The following SH3D19 variants were observed in gnomAD, a reference collection of about 807,000 sequenced individuals.
SH3D19 encodes SH3 domain containing 19, also known as SH3 domain-containing protein 19.
In SH3D19, 58 loss-of-function variants were observed where a neutral mutation model predicts 112.1. The ratio of observed to expected loss-of-function variants is 0.52; its 90% confidence interval spans 0.42 to 0.64. The LOEUF is 0.64. Ranked by LOEUF, SH3D19 falls within the 30% of genes least tolerant of loss-of-function variation. The pLI, the probability that SH3D19 is intolerant of heterozygous loss-of-function variation, is 0.00. For synonymous variants in SH3D19, 391 were observed against 448.5 expected (o/e 0.87, Z 1.62); for missense variants, 1,090 against 1,263.4 (o/e 0.86, Z 2.08).
chr4:151,178,967 C>T (rs915224283), intron 4 of SH3D19, among the ~76,000 whole-genome samples: 2 of 152,170 alleles, frequency 1.3e-5, no homozygotes, highest in Admixed American at 6.6e-5. Flanking sequence ...GTGCCTACCT[C>T]CTCTTTTCCT....
intron 8 of SH3D19, 52 bp from the exon 9 acceptor site, chr4:151,159,404 A>T: frequency 9.2e-7 from 1 of 1,085,636 alleles, no homozygotes; most frequent in Non-Finnish European, 1.4e-6. Context: ...TGGGATTCCA[A>T]AGAATGAAAT....
intron 1 of SH3D19, among the ~76,000 whole-genome samples, chr4:151,294,389 C>T (rs1775558436): frequency 6.6e-6 from 1 of 152,154 alleles, no homozygotes; most frequent in Non-Finnish European, 1.5e-5. Context: ...TTCTCATTAA[C>T]AAGGAGTTGA....
chr4:151,181,992 T>A (rs370250096), intron 3 of SH3D19, among the ~76,000 whole-genome samples: 48 of 152,182 alleles, frequency 3.2e-4, no homozygotes, highest in African/African-American at 1.1e-3. Context: ...AGGGTTTTTT[T>A]TTTTTTATTT....
At position 151,175,084 on chromosome 4, in the gene SH3D19, C is replaced by T. The variant is rs1196094882; in HGVS notation, c.1120G>A (p.Gly374Arg). 2.5e-6 allele frequency: 4 copies of T among 1,614,144 alleles called. No individual in the cohort carries two copies. The highest frequency in any genetic ancestry group is 3.4e-6 in the Non-Finnish European group (4 of 1,180,018). Residue 374 changes from glycine to arginine, a missense_variant, in exon 7 of 20, where the codon GGA becomes AGA. Coordinates refer to ENST00000604030, the MANE Select transcript of SH3D19 (RefSeq NM_001378122.1). Reference sequence around the variant, plus strand: ...TCAGGTTTGGTTACTGGGATGCTTCCCGCTTCTTGCAGGGGAGGGTATGGG... The same window carrying T: ...TCAGGTTTGGTTACTGGGATGCTTCTCGCTTCTTGCAGGGGAGGGTATGGG... ...LTPYPPLQEAGSIPVTKPELP... is the reference protein window; with the variant it reads ...LTPYPPLQEARSIPVTKPELP...
chr4:151,259,004 A>T (rs1772163456), intron 1 of SH3D19, among the ~76,000 whole-genome samples: 1 of 152,076 alleles, frequency 6.6e-6, no homozygotes, highest in African/African-American at 2.4e-5. Context: ...TGCACAGGGC[A>T]TGGGTGAGGA....
rs527715886 is a variant in SH3D19 at position 151,147,771 on chromosome 4, G to T, written c.2082+151C>A. ...AGCCACTGTGCCCAACCAAGACCTA[G>T]AATTTATTATGGCCTACTCATCTAA... On this transcript the variant is annotated intron_variant, in intron 11 of 19. Transcript: ENST00000604030. 1.5e-5 allele frequency: 15 copies of T among 987,700 alleles called. 1 individual carries two copies. In the South Asian group the frequency reaches 2.5e-4, roughly 17 times the overall value. 61.2% of individuals were successfully genotyped at this position (987,700 alleles called of 1,614,324 possible). A position where few individuals can be genotyped will look rare whatever the true frequency, so the allele number is the denominator to read the frequency against.
chr4:151,126,161 C>T (rs146475624), intron 19 of SH3D19, among the ~76,000 whole-genome samples: 11 of 152,196 alleles, frequency 7.2e-5, no homozygotes, highest in East Asian at 3.9e-4. Context: ...TGGCCTCAAG[C>T]GATCCTCCTG....
At chr4:151,240,006 T>C (rs1312587677) in intron 1 of SH3D19, among the ~76,000 whole-genome samples, 1 of 152,202 alleles carries the variant, frequency 6.6e-6, no homozygotes, top group African/African-American at 2.4e-5. Flanking sequence ...TTGTTCACAC[T>C]GTAATCCCAG....
chr4:151,256,998 T>C (rs1026133334), intron 1 of SH3D19, among the ~76,000 whole-genome samples: 2 of 152,182 alleles, frequency 1.3e-5, no homozygotes, highest in African/African-American at 4.8e-5. Flanking sequence ...TGCCTCAGCC[T>C]TGGGTTGAGA....
intron 1 of SH3D19, among the ~76,000 whole-genome samples, chr4:151,256,164 A>G (rs147332786): frequency 8.8e-4 from 134 of 152,306 alleles, no homozygotes; most frequent in Non-Finnish European, 1.6e-3. Context: ...TATGGCCAAT[A>G]TTATTTTTGT....
chr4:151,255,619 C>T (rs866869955), intron 1 of SH3D19, among the ~76,000 whole-genome samples: 5 of 151,762 alleles, frequency 3.3e-5, no homozygotes, highest in African/African-American at 7.3e-5. Flanking sequence ...ACTTCCCAGA[C>T]GGGGTGGCGG....
chr4:151,139,215 G>A (rs1341607979), intron 13 of SH3D19, among the ~76,000 whole-genome samples: 1 of 151,000 alleles, frequency 6.6e-6, no homozygotes, highest in Non-Finnish European at 1.5e-5. Context: ...GTGCAGTGGC[G>A]CGATCTCAGC....
intron 19 of SH3D19, among the ~76,000 whole-genome samples, chr4:151,126,803 A>G (rs2149724115): frequency 6.7e-6 from 1 of 150,102 alleles, no homozygotes; most frequent in African/African-American, 2.4e-5. Context: ...GTCTCAAAAA[A>G]GAAAAAAAAA....
In SH3D19 at chr4:151,127,785, A is replaced by G. The variant is rs755360455; in HGVS notation, c.2930-70T>C. ...TAAAACACAAATCTAACATTTTTTAAAAAAAAACGCTTATCGCTCTAAAAA... is the reference window on the plus strand; with the variant it reads ...TAAAACACAAATCTAACATTTTTTAGAAAAAAACGCTTATCGCTCTAAAAA... On this transcript the variant is annotated intron_variant, in intron 18 of 19. Coordinates refer to ENST00000604030, the MANE Select transcript of SH3D19 (RefSeq NM_001378122.1). The G allele has an allele frequency of 8.5e-6, 7 of 824,674 alleles. No individual in the cohort carries two copies. The South Asian group carries it at 1.7e-4, about 21-fold the overall frequency. The allele number at this position is 824,674 out of a possible 1,614,324, so 51.1% of individuals were successfully genotyped here. A position where few individuals can be genotyped will look rare whatever the true frequency, so the allele number is the denominator to read the frequency against.
At chr4:151,227,957 G>A in intron 1 of SH3D19, 1 of 985,384 alleles carries the variant, frequency 1.0e-6, no homozygotes, top group Non-Finnish European at 1.2e-6. Context: ...TCCCTCCAGG[G>A]CCTGTTCTGA....
chr4:151,237,815 C>T (rs1770245510), intron 1 of SH3D19, among the ~76,000 whole-genome samples: 3 of 152,154 alleles, frequency 2.0e-5, no homozygotes, highest in South Asian at 4.1e-4. Flanking sequence ...CTTTGTCGAA[C>T]AGGGATTTCT....
At chr4:151,215,790 T>C (rs1766965466) in intron 2 of SH3D19, among the ~76,000 whole-genome samples, 1 of 152,068 alleles carries the variant, frequency 6.6e-6, no homozygotes, top group African/African-American at 2.4e-5. Flanking sequence ...AATTGAATTC[T>C]TGGGACCAGG....
intron 9 of SH3D19, among the ~76,000 whole-genome samples, chr4:151,155,710 A>G (rs992563669): frequency 3.9e-5 from 6 of 151,922 alleles, no homozygotes; most frequent in African/African-American, 1.5e-4. Flanking sequence ...ACATGATAAA[A>G]CCCTGTCTCT....
intron 1 of SH3D19, among the ~76,000 whole-genome samples, chr4:151,256,007 AGAGAGGGGGAGAGG>A (rs1448067739): frequency 1.8e-5 from 2 of 111,922 alleles, no homozygotes; most frequent in Non-Finnish European, 3.7e-5. Context: ...GACCGTGGAA[AGAGAGGGGGAGAGG>A]GAGAGGGAGA....
Sources: allele counts gnomAD v4.1 joint callset (sites outside exome capture counted in the v4.1 genomes callset), GRCh38; gene constraint gnomAD v4.1.1; transcripts MANE v1.5; gene names NCBI Gene and HGNC (gene_info 2026-07-23, HGNC 2026-07-21).